Variants in CHMP4A observed in about 807,000 individuals in gnomAD.
The protein encoded by CHMP4A is charged multivesicular body protein 4A, also known as SNF7 homolog associated with Alix-2.
A neutral mutation model predicts 28.2 loss-of-function variants in CHMP4A; 29 were observed. The observed-to-expected ratio is 1.03, with a 90% confidence interval of 0.77 to 1.40. The LOEUF (loss-of-function observed/expected upper bound fraction) is 1.40, where lower values mean the gene tolerates loss of function less well. CHMP4A is among the 40% of genes most tolerant of loss of function. The pLI is 0.00. For missense variants in CHMP4A, 241 were observed against 263.5 expected, an observed-to-expected ratio of 0.91 and a Z score of 0.59; for synonymous variants, 88 against 99.3, an observed-to-expected ratio of 0.89 and a Z score of 0.67.
chr14:24,212,735 T>TG (rs1019995510), intron 1 of CHMP4A: 6 of 188,938 alleles, frequency 3.2e-5, no homozygotes, highest in Admixed American at 6.3e-5. Flanking sequence ...TTTTTTTTTT[T>TG]TTTGTATTTT....
At chr14:24,210,201 G>A in intron 5 of CHMP4A, 147 bp downstream of exon 5, 1 of 1,077,924 alleles carries the variant, frequency 9.3e-7, no homozygotes, top group Non-Finnish European at 1.3e-6. Context: ...GGCTAGGTGG[G>A]TGCCTATATG....
chr14:24,211,186 A>G (rs1475604197), intron 3 of CHMP4A: 6 of 481,688 alleles, frequency 1.2e-5, no homozygotes, highest in Non-Finnish European at 1.9e-5. Context: ...TCCATCTCAA[A>G]AAACAAAACA....
chr14:24,211,700 T>C lies in CHMP4A; in HGVS notation c.161A>G (p.Tyr54Cys). Residue 54 changes from tyrosine to cysteine, a missense_variant, in exon 2 of 6, where the codon TAT (tyrosine) becomes TGT (cysteine). Tyr to Cys is a radical substitution (Grantham distance 194). Coordinates refer to ENST00000347519, the MANE Select transcript of CHMP4A (RefSeq NM_014169.5). ...ATTACCTCTCTTATTCTTGGTCCCA[T>C]ACTTCTTGGCTGTTTGTAGCTCCTG... ...IQQELQTAKK[Y>C]GTKNKRAALQ... 4 of 1,614,192 alleles carry C rather than the reference T, an allele frequency of 2.5e-6. No individual in the cohort carries two copies. The highest frequency in any genetic ancestry group is 2.2e-5 in the East Asian group (1 of 44,888).
At chr14:24,211,032 A>C (rs555343065) in intron 3 of CHMP4A, among the ~76,000 whole-genome samples, 27 of 152,268 alleles carry the variant, frequency 1.8e-4, no homozygotes, top group Middle Eastern at 3.4e-3. Flanking sequence ...AAAAATACAA[A>C]AATGAGCTGG....
chr14:24,210,838 G>A (rs1224415110), intron 3 of CHMP4A, 70 bp from the exon 4 acceptor site: 1 of 1,122,242 alleles, frequency 8.9e-7, no homozygotes, highest in African/African-American at 1.5e-5. Flanking sequence ...TCACATGAAT[G>A]AAACCCCTCC....
chr14:24,212,722 A>AT (rs71119067), intron 1 of CHMP4A: 88,028 of 151,754 alleles, frequency 0.58, 24,972 homozygotes, highest in Admixed American at 0.68. Context: ...CAACCAGCTA[A>AT]TTTTTTTTTT....
In CHMP4A at chr14:24,213,462, C is replaced by T. The variant is rs1053793347; in HGVS notation, c.-23G>A. On this transcript the variant is annotated 5_prime_UTR_variant, in exon 1 of 6. Transcript: ENST00000347519. ...CATCGCGAGCTCGCCTCTCCCGCCT[C>T]CGCCCCTCAGCGTCCTCCAGACTTC... 1.2e-6 allele frequency: 2 copies of T among 1,612,736 alleles called. No homozygotes were observed.
At chr14:24,210,853 T>A in intron 3 of CHMP4A, 85 bp from the exon 4 acceptor site, 2 of 961,186 alleles carry the variant, frequency 2.1e-6, no homozygotes, top group Non-Finnish European at 3.4e-6. Context: ...CCCTCCTGCC[T>A]TGCAGGGTCA....
chr14:24,210,545 C>G, intron 4 of CHMP4A, 62 bp from the exon 5 acceptor site: 1 of 1,601,390 alleles, frequency 6.2e-7, no homozygotes, highest in Non-Finnish European at 8.5e-7. Flanking sequence ...CAAAAACATA[C>G]CACTTTTGAA....
Position 24,210,714 on chromosome 14 carries a change from C to T in CHMP4A, c.414G>A (p.Val138=), listed in dbSNP as rs756959163. 3 of 1,614,172 alleles carry T rather than the reference C, an allele frequency of 1.9e-6. No individual in the cohort carries two copies. Among genetic ancestry groups the T allele is most frequent in the Non-Finnish European group, 1.7e-6 (2 of 1,180,032 alleles). ...LMTDITEQQE[V]AQQISDAISR... is the part of the protein sequence containing the mutation. ...AAATGGCATCTGAGATCTGCTGGGC[C>T]ACCTCCTGTTGTTCCGTGATGTCAG... Residue 138 remains valine (V), a synonymous_variant, in exon 4 of 6, where the codon GTG becomes GTA. Transcript: ENST00000347519.
rs1566658784 is a variant in CHMP4A, at chr14:24,210,635, A to G, written c.474+19T>C. The G allele has an allele frequency of 2.5e-6, 4 of 1,604,656 alleles. No homozygotes were observed. The highest frequency in any genetic ancestry group is 2.6e-6 in the Non-Finnish European group (3 of 1,171,676). ...CCCATACTTTCTGCAATATTCCCTG[A>G]CCCTTCACCCCCAATCACCTCATCC... On this transcript the variant is annotated intron_variant, in intron 4 of 5. Coordinates refer to ENST00000347519, the MANE Select transcript of CHMP4A (RefSeq NM_014169.5).
intron 1 of CHMP4A, 159 bp downstream of exon 1, chr14:24,213,250 G>T: frequency 1.2e-6 from 1 of 857,588 alleles, no homozygotes; most frequent in Non-Finnish European, 1.7e-6. Context: ...CACCGGCGAT[G>T]AGCCTTGCTC....
In CHMP4A at chr14:24,210,358, C is replaced by T. The variant is rs778096168; in HGVS notation, c.600G>A (p.Pro200=). 30 of 1,613,892 alleles carry T rather than the reference C, an allele frequency of 1.9e-5. No homozygotes were observed. The highest frequency in any genetic ancestry group is 1.6e-4 in the Middle Eastern group (1 of 6,062). ...KLPSVPSTHL[P]AGPAPKVDED... ...AACAACCCTGCATACCTGGCCCTGC[C>T]GGCAGATGAGTAGAAGGTACACTAG... The change falls in exon 5 of 6, where the codon CCG becomes CCA. Residue 200 remains proline (P), a synonymous_variant. Coordinates refer to ENST00000347519, the MANE Select transcript of CHMP4A (RefSeq NM_014169.5).
chr14:24,209,887 C>T lies in CHMP4A; in HGVS notation c.659G>A (p.Trp220Ter), dbSNP rs755299003. 16 of 1,613,944 alleles carry T rather than the reference C, an allele frequency of 9.9e-6. No homozygotes were observed. Among genetic ancestry groups the T allele is most frequent in the Non-Finnish European group, 1.3e-5 (15 of 1,179,840 alleles). Residue 220 changes from tryptophan to a stop codon, truncating the protein, a stop_gained, in exon 6 of 6, where the codon TGG becomes TAG. Coordinates refer to ENST00000347519, the MANE Select transcript of CHMP4A (RefSeq NM_014169.5). LOFTEE classifies it high-confidence loss of function. ...DEEALKQLAEWVS is the reference protein window; with the variant it reads ...DEEALKQLAE The stretch of plus-strand genomic sequence containing the variant: ...ACAAGCCCAGATTTATCAGGATACC[C>T]ACTCAGCCAACTGCTTTAGTGCTTC...
intron 3 of CHMP4A, 132 bp from the exon 4 acceptor site, chr14:24,210,900 C>T: frequency 2.9e-6 from 2 of 683,318 alleles, no homozygotes; most frequent in Middle Eastern, 3.2e-4. Flanking sequence ...AGAAGAGATC[C>T]CTGGAAAATT....
intron 1 of CHMP4A, chr14:24,212,892 G>T: frequency 6.4e-6 from 1 of 156,844 alleles, no homozygotes; most frequent in South Asian, 1.5e-4. Flanking sequence ...AGTAGAGACG[G>T]GGTTTCACCA....
chr14:24,211,633 C>T (rs1188139780), intron 2 of CHMP4A, 41 bp from the exon 3 acceptor site: 1 of 1,610,726 alleles, frequency 6.2e-7, no homozygotes, highest in South Asian at 1.1e-5. Flanking sequence ...GTCAGAAGCA[C>T]CTGCTTCCCA....
chr14:24,210,034 C>T, intron 5 of CHMP4A, 99 bp from the exon 6 acceptor site: 3 of 1,164,044 alleles, frequency 2.6e-6, no homozygotes, highest in Non-Finnish European at 2.6e-6. Flanking sequence ...CTGCTGAATT[C>T]TGTCTCCCCA....
rs762459227 is a variant in CHMP4A, at chr14:24,210,422, T to C, written c.536A>G (p.Asn179Ser). The C allele has an allele frequency of 1.4e-5, 22 of 1,614,002 alleles. No individual in the cohort carries two copies. The South Asian group carries it at 2.2e-4, about 16-fold the overall frequency. ...GGGTTCTTCTTCCTTGTCGCCCACA[T>C]TTAACAACTCCTGGGCCAATTCCTC... ...EQEELAQELL[N>S]VGDKEEEPSV... The change falls in exon 5 of 6, where the codon AAT (asparagine) becomes AGT (serine). Residue 179 changes from asparagine to serine, a missense_variant. Physicochemically the swap from Asn to Ser is conservative, Grantham distance 46. Transcript: ENST00000347519.
Sources: allele counts gnomAD v4.1 joint callset (sites outside exome capture counted in the v4.1 genomes callset), GRCh38; gene constraint gnomAD v4.1.1; transcripts MANE v1.5; gene names NCBI Gene and HGNC (gene_info 2026-07-23, HGNC 2026-07-21).